ECT2: variants seen among roughly 807,000 people sequenced by gnomAD.
The protein encoded by ECT2 is epithelial cell transforming 2.
ECT2 carries 61 observed loss-of-function variants against 116.9 expected under a neutral mutation model. That is an observed-to-expected ratio of 0.52 (90% CI 0.42 to 0.65). The LOEUF (loss-of-function observed/expected upper bound fraction) is 0.65. Ranked by LOEUF, ECT2 falls within the 30% of genes least tolerant of loss-of-function variation. The probability of loss-of-function intolerance (pLI) is 0.00; values close to 1 mark genes in which losing one functional copy is unlikely to be tolerated. For synonymous variants in ECT2, 358 were observed against 346.4 expected, an observed-to-expected ratio of 1.03 and a Z score of -0.37; for missense variants, 937 against 1,078.7, an observed-to-expected ratio of 0.87 and a Z score of 1.84.
At chr3:172,826,450 T>C (rs1730848802), downstream of ECT2, among the ~76,000 whole-genome samples, 1 of 152,204 alleles carries the variant, frequency 6.6e-6, no homozygotes, top group African/African-American at 2.4e-5. Flanking sequence ...ATGAGACTCT[T>C]GAGTGCTTTC....
rs752178167 is a variant in ECT2, at chr3:172,807,916, G to A, written c.2392G>A (p.Ala798Thr). The A allele has an allele frequency of 1.2e-6, 2 of 1,612,990 alleles. No individual in the cohort carries two copies. Among genetic ancestry groups the A allele is most frequent in the South Asian group, 2.2e-5 (2 of 90,970 alleles). ...ACATGTAGCTAACACCATTTGTAAA[G>A]CAGATGCTGTAAGTTCTTAAAACAG... ...CRHVANTICK[A>T]DAENLIYTAD... is the part of the protein sequence containing the mutation. Residue 798 changes from alanine to threonine, a missense_variant, in exon 22 of 25, where the codon GCA (alanine) becomes ACA (threonine). Ala to Thr is a moderately conservative substitution (Grantham distance 58). Coordinates refer to ENST00000392692, the MANE Select transcript of ECT2 (RefSeq NM_001258315.2).
chr3:172,815,658 A>T lies in ECT2; in HGVS notation c.2455A>T (p.Met819Leu), dbSNP rs774010962. ...PESFEVNTKD[M>L]DSTLSRASRA... ...ATCCTTTGAAGTAAATACAAAAGAT[A>T]TGGACAGTACATTGAGTAGAGCATC... Residue 819 changes from methionine to leucine, a missense_variant, in exon 23 of 25, where the codon ATG becomes TTG. Coordinates refer to ENST00000392692, the MANE Select transcript of ECT2 (RefSeq NM_001258315.2). The T allele has an allele frequency of 6.2e-7, 1 of 1,606,076 alleles. No individual in the cohort carries two copies.
chr3:172,828,449 A>G, the ECT2 span, among the ~76,000 whole-genome samples: 5 of 152,124 alleles, frequency 3.3e-5, no homozygotes, highest in East Asian at 5.8e-4. Context: ...TACAGAAGTG[A>G]AAGAATCTGT....
Position 172,760,008 on chromosome 3 carries a change from T to A in ECT2, c.577-148T>A. On this transcript the variant is annotated intron_variant, in intron 6 of 24. Transcript: ENST00000392692. ...CAAACTAATCTTTTTTATACTTACT[T>A]TGACATAAAATTTAATAGCTTTATA... 5.7e-6 allele frequency: 3 copies of A among 524,708 alleles called. No individual in the cohort carries two copies. The East Asian group carries it at 9.8e-5, about 17-fold the overall frequency. 32.5% of individuals were successfully genotyped at this position (524,708 alleles called of 1,614,324 possible). A position where few individuals can be genotyped will look rare whatever the true frequency, so the allele number is the denominator to read the frequency against.
At chr3:172,808,663 T>C (rs960281305) in intron 22 of ECT2, among the ~76,000 whole-genome samples, 3 of 152,060 alleles carry the variant, frequency 2.0e-5, no homozygotes, top group African/African-American at 7.3e-5. Flanking sequence ...CCTCTTACTC[T>C]TTGCACAAAT....
chr3:172,785,804 A>G (rs1262217357), intron 17 of ECT2, among the ~76,000 whole-genome samples: 3 of 152,244 alleles, frequency 2.0e-5, no homozygotes, highest in Non-Finnish European at 4.4e-5. Context: ...TTTGCAAATT[A>G]TAAGGAGAAT....
intron 18 of ECT2, among the ~76,000 whole-genome samples, chr3:172,790,768 C>G (rs1400018949): frequency 2.0e-5 from 3 of 152,206 alleles, no homozygotes; most frequent in Non-Finnish European, 4.4e-5. Flanking sequence ...ACATCTCCAT[C>G]AGAGCTCTTG....
intron 18 of ECT2, among the ~76,000 whole-genome samples, chr3:172,791,809 A>G (rs1724722074): frequency 6.6e-6 from 1 of 152,194 alleles, no homozygotes; most frequent in Non-Finnish European, 1.5e-5. Flanking sequence ...TTTTTCTTCA[A>G]GAACTTTTCT....
At position 172,815,696 on chromosome 3, in the gene ECT2, A is replaced by G. The variant is rs1261902782; in HGVS notation, c.2493A>G (p.Lys831=). The G allele has an allele frequency of 1.9e-6, 3 of 1,596,396 alleles. No individual in the cohort carries two copies. Among genetic ancestry groups the G allele is most frequent in the Non-Finnish European group, 2.6e-6 (3 of 1,171,442 alleles). The part of the protein sequence containing the change: ...STLSRASRAI[K]KTSKKVTRAF... The stretch of plus-strand genomic sequence containing the variant: ...TGAGTAGAGCATCAAGAGCAATAAA[A>G]AAGACTTCAAAAAAGGTGAGTTTTA... Residue 831 remains lysine (K), a synonymous_variant, in exon 23 of 25, where the codon AAA becomes AAG. Coordinates refer to ENST00000392692, the MANE Select transcript of ECT2 (RefSeq NM_001258315.2).
chr3:172,761,366 A>G (rs972248554), intron 7 of ECT2, among the ~76,000 whole-genome samples: 3 of 152,168 alleles, frequency 2.0e-5, no homozygotes, highest in African/African-American at 2.4e-5. Context: ...TTTAATAAAG[A>G]TGAACTTCAG....
intron 22 of ECT2, among the ~76,000 whole-genome samples, chr3:172,808,149 T>G (rs1027379086): frequency 5.3e-5 from 8 of 152,190 alleles, no homozygotes; most frequent in Non-Finnish European, 8.8e-5. Flanking sequence ...GCCCTCATAG[T>G]CTTATAGCCC....
chr3:172,762,305 AATAG>A (rs1467857190), intron 8 of ECT2, 107 bp from the exon 9 acceptor site: 3 of 1,147,284 alleles, frequency 2.6e-6, no homozygotes, highest in East Asian at 2.6e-5. Context: ...AAATAGTTTC[AATAG>A]ATAGATTATG....
intron 5 of ECT2, among the ~76,000 whole-genome samples, chr3:172,757,756 G>A (rs1202747784): frequency 2.0e-5 from 3 of 151,934 alleles, no homozygotes; most frequent in Non-Finnish European, 4.4e-5. Context: ...AAGATTACTT[G>A]CTTAAACTTG....
chr3:172,788,118 T>A (rs1723938822), intron 18 of ECT2, among the ~76,000 whole-genome samples: 1 of 152,180 alleles, frequency 6.6e-6, no homozygotes, highest in South Asian at 2.1e-4. Flanking sequence ...TAATAAGCCT[T>A]ATAGAATTTT....
In ECT2 at chr3:172,805,613, G is replaced by A. The variant is rs990872406; in HGVS notation, c.2107-118G>A. On this transcript the variant is annotated intron_variant, in intron 20 of 24. Coordinates refer to ENST00000392692, the MANE Select transcript of ECT2 (RefSeq NM_001258315.2). ...ACTCTGCTTATAACAACTTTGTAACGAATAATAACTAAATAAGTTATATAT... is the reference window on the plus strand; with the variant it reads ...ACTCTGCTTATAACAACTTTGTAACAAATAATAACTAAATAAGTTATATAT... The A allele has an allele frequency of 1.3e-5, 13 of 1,003,992 alleles. No individual in the cohort carries two copies. In the Admixed American group the frequency reaches 2.2e-4, roughly 17 times the overall value. 62.2% of individuals were successfully genotyped at this position (1,003,992 alleles called of 1,614,324 possible).
At chr3:172,826,920 A>G in the ECT2 span, among the ~76,000 whole-genome samples, 1 of 152,250 alleles carries the variant, frequency 6.6e-6, no homozygotes, top group African/African-American at 2.4e-5. Context: ...TAATCAGAAT[A>G]TATAATGAGC....
intron 22 of ECT2, among the ~76,000 whole-genome samples, chr3:172,812,538 T>C (rs1728959437): frequency 6.6e-6 from 1 of 152,180 alleles, no homozygotes; most frequent in South Asian, 2.1e-4. Context: ...GGAGCATTGA[T>C]AAGTTACTTT....
At chr3:172,823,142 A>T (rs1024155356), downstream of ECT2, among the ~76,000 whole-genome samples, 7 of 152,294 alleles carry the variant, frequency 4.6e-5, no homozygotes, top group East Asian at 1.3e-3. Flanking sequence ...GTGAATTTTC[A>T]TCAATTTAAC....
chr3:172,791,014 G>A (rs997978429), intron 18 of ECT2, among the ~76,000 whole-genome samples: 28 of 152,290 alleles, frequency 1.8e-4, no homozygotes, highest in African/African-American at 6.3e-4. Flanking sequence ...AATTAGCTGG[G>A]TGTGATGATG....
Sources: gnomAD v4.1 joint callset for allele counts (sites outside exome capture counted in the v4.1 genomes callset) on GRCh38, gnomAD v4.1.1 for gene constraint, MANE v1.5 for transcripts, NCBI Gene and HGNC (gene_info 2026-07-23, HGNC 2026-07-21) for gene names.